Variants in NUDCD3 observed in about 807,000 individuals in gnomAD.
NUDCD3 encodes the protein nudC domain-containing protein 3.
NUDCD3 carries 13 observed loss-of-function variants against 39.7 expected under a neutral mutation model. The ratio of observed to expected loss-of-function variants is 0.33; its 90% CI spans 0.21 to 0.52. NUDCD3 has a LOEUF of 0.52. Ranked by LOEUF, NUDCD3 falls within the 20% of genes least tolerant of loss-of-function variation. NUDCD3 has a pLI of 0.96. For synonymous variants in NUDCD3, 175 were observed against 172.4 expected, an observed-to-expected ratio of 1.02 and a Z score of -0.12; for missense variants, 453 against 458.1, an observed-to-expected ratio of 0.99 and a Z score of 0.10.
chr7:44,438,116 G>A (rs1477654987), intron 2 of NUDCD3, among the ~76,000 whole-genome samples: 1 of 152,116 alleles, frequency 6.6e-6, no homozygotes, highest in East Asian at 1.9e-4. Flanking sequence ...AGCTACTCAG[G>A]AGGCTGAGGC....
chr7:44,452,810 C>G (rs1799819216), intron 2 of NUDCD3, among the ~76,000 whole-genome samples: 1 of 152,218 alleles, frequency 6.6e-6, no homozygotes, highest in Non-Finnish European at 1.5e-5. Flanking sequence ...AACTCACACA[C>G]ACAAAAGGTT....
At position 44,474,413 on chromosome 7, in the gene NUDCD3, T is replaced by C. The variant is rs115748971; in HGVS notation, c.509+10555A>G. Among the ~76,000 whole-genome samples the C allele has an allele frequency of 5.7e-3, 871 of 152,312 alleles. 5 individuals carry two copies. The highest frequency in any genetic ancestry group is 0.02 in the African/African-American group (828 of 41,568). On this transcript the variant is annotated intron_variant, in intron 2 of 5. Coordinates refer to ENST00000355451, the MANE Select transcript of NUDCD3 (RefSeq NM_015332.4). ...TAACTCTCTGGCCCTACCTTCTAAA[T>C]GTATGATTTTAAGCAAAGCACTTGA...
chr7:44,463,357 G>A (rs749042605), intron 2 of NUDCD3, among the ~76,000 whole-genome samples: 5 of 152,136 alleles, frequency 3.3e-5, no homozygotes, highest in Non-Finnish European at 5.9e-5. Context: ...CAGAGGGCAC[G>A]GAGCCTGCCA....
At chr7:44,415,827 C>T (rs1799009938) in intron 3 of NUDCD3, among the ~76,000 whole-genome samples, 1 of 152,126 alleles carries the variant, frequency 6.6e-6, no homozygotes, top group Non-Finnish European at 1.5e-5. Flanking sequence ...GTTGTTGCAG[C>T]CGGGGTTACC....
chr7:44,489,524 G>A (rs573219041), intron 1 of NUDCD3, among the ~76,000 whole-genome samples: 53 of 152,308 alleles, frequency 3.5e-4, no homozygotes, highest in African/African-American at 1.2e-3. Flanking sequence ...GGTATCATCA[G>A]CATTTCTATC....
intron 2 of NUDCD3, among the ~76,000 whole-genome samples, chr7:44,464,633 T>C (rs567305554): frequency 1.5e-3 from 235 of 152,270 alleles, no homozygotes; most frequent in Non-Finnish European, 2.7e-3. Flanking sequence ...TTTGTATTTT[T>C]AGTAGAGACA....
chr7:44,461,032 G>A (rs1235624345), intron 2 of NUDCD3, among the ~76,000 whole-genome samples: 1 of 152,118 alleles, frequency 6.6e-6, no homozygotes, highest in Admixed American at 6.5e-5. Context: ...AAACCCGACG[G>A]GTTCAACTCT....
intron 2 of NUDCD3, among the ~76,000 whole-genome samples, chr7:44,437,994 A>AT (rs1471575181): frequency 6.6e-6 from 1 of 152,102 alleles, no homozygotes; most frequent in Non-Finnish European, 1.5e-5. Context: ...TTTTAGCAGT[A>AT]TTTAAGTGTG....
chr7:44,403,343 C>T (rs1317079385), intron 4 of NUDCD3, among the ~76,000 whole-genome samples: 3 of 152,214 alleles, frequency 2.0e-5, no homozygotes, highest in African/African-American at 7.2e-5. Flanking sequence ...ATAGGAGGCC[C>T]TGCTTAGGAT....
chr7:44,420,138 T>C (rs1799110291), intron 3 of NUDCD3, among the ~76,000 whole-genome samples: 1 of 151,868 alleles, frequency 6.6e-6, no homozygotes, highest in Admixed American at 6.6e-5. Context: ...GAATAACCAG[T>C]TTAGAGAAGA....
At chr7:44,417,918 G>T (rs1275741583) in intron 3 of NUDCD3, among the ~76,000 whole-genome samples, 2 of 152,178 alleles carry the variant, frequency 1.3e-5, no homozygotes, top group Non-Finnish European at 2.9e-5. Flanking sequence ...GGAAAATTGA[G>T]CACACAGCTA....
chr7:44,386,801 A>G (rs530454432), intron 5 of NUDCD3, among the ~76,000 whole-genome samples: 65 of 152,322 alleles, frequency 4.3e-4, no homozygotes, highest in Non-Finnish European at 8.1e-4. Context: ...TCCAAGGATC[A>G]GAAGCAAGGC....
At chr7:44,391,014 T>C (rs1285359651) in intron 5 of NUDCD3, among the ~76,000 whole-genome samples, 4 of 152,086 alleles carry the variant, frequency 2.6e-5, no homozygotes, top group Non-Finnish European at 5.9e-5. Context: ...TTCTCTTCCA[T>C]AGAGACAAGG....
intron 2 of NUDCD3, among the ~76,000 whole-genome samples, chr7:44,460,526 T>C (rs1477339819): frequency 6.6e-6 from 1 of 152,052 alleles, no homozygotes; most frequent in African/African-American, 2.4e-5. Context: ...GTGCCCTTTT[T>C]AAAAACCCAC....
chr7:44,400,172 G>C (rs1429911331), intron 4 of NUDCD3, among the ~76,000 whole-genome samples: 1 of 152,122 alleles, frequency 6.6e-6, no homozygotes, highest in Non-Finnish European at 1.5e-5. Flanking sequence ...TCGGAAAAAA[G>C]AGCTGGTGCC....
Position 44,404,559 on chromosome 7 carries a change from A to C in NUDCD3, c.667T>G (p.Ser223Ala), listed in dbSNP as rs1015376214. 6.2e-7 allele frequency: 1 copy of C among 1,613,936 alleles called. No individual in the cohort carries two copies. The highest frequency in any genetic ancestry group is 2.2e-5 in the East Asian group (1 of 44,872). The change falls in exon 4 of 6, where the codon TCC becomes GCC. Residue 223 changes from serine to alanine, a missense_variant. Transcript: ENST00000355451. ...TCCTCCAGCATGGCCACACGAATGG[A>C]GCTGCTGCTAAGGGCCACTGAGACC... ...KQVSVALSSSSIRVAMLEENG... is the reference protein window; with the variant it reads ...KQVSVALSSSAIRVAMLEENG...
chr7:44,416,157 C>T (rs1188823867), intron 3 of NUDCD3, among the ~76,000 whole-genome samples: 4 of 152,036 alleles, frequency 2.6e-5, no homozygotes, highest in East Asian at 3.9e-4. Context: ...AATCACAGTT[C>T]GCAGAAGCCT....
At chr7:44,486,346 T>C (rs1364975210) in intron 1 of NUDCD3, among the ~76,000 whole-genome samples, 1 of 152,098 alleles carries the variant, frequency 6.6e-6, no homozygotes, top group African/African-American at 2.4e-5. Context: ...ACAAACATTC[T>C]CTCAAAACCC....
In NUDCD3 at chr7:44,410,661, C is replaced by T. The variant is rs1258484758; in HGVS notation, c.643-6078G>A. 6.0e-5 allele frequency among the ~76,000 whole-genome samples: 8 copies of T among 133,404 alleles called. No individual in the cohort carries two copies. The East Asian group carries it at 1.6e-3, about 27-fold the overall frequency. The allele number at this position is 133,404 out of a possible 152,430, so 87.5% of individuals were successfully genotyped here. A position where few individuals can be genotyped will look rare whatever the true frequency, so the allele number is the denominator to read the frequency against. On this transcript the variant is annotated intron_variant, in intron 3 of 5. Transcript: ENST00000355451. ...CCTGGGGGACAGAGCAAGACTCTGT[C>T]TCAAAAAAAAAAAAGTCTAGTAACA...
Sources: gnomAD v4.1 joint callset for allele counts (sites outside exome capture counted in the v4.1 genomes callset) on GRCh38, gnomAD v4.1.1 for gene constraint, MANE v1.5 for transcripts, NCBI Gene and HGNC (gene_info 2026-07-23, HGNC 2026-07-21) for gene names.